OR2T27: variants seen among roughly 807,000 people sequenced by gnomAD.
OR2T27 encodes olfactory receptor 2T27.
For synonymous variants in OR2T27, 51 were observed against 152.9 expected, an observed-to-expected ratio of 0.33 and a Z score of 4.92; for missense variants, 152 against 397.2, an observed-to-expected ratio of 0.38 and a Z score of 5.25.
intron 1 of OR2T27, among the ~76,000 whole-genome samples, chr1:248,652,269 C>T (rs1466077405): frequency 4.0e-5 from 6 of 151,174 alleles, no homozygotes; most frequent in African/African-American, 1.2e-4. Context: ...GTAAATTTTA[C>T]GTTTCCAAAC....
intron 1 of OR2T27, among the ~76,000 whole-genome samples, chr1:248,653,368 G>A (rs4916156): frequency 0.84 from 109,869 of 131,194 alleles, 49,741 homozygotes; most frequent in East Asian, 1. Context: ...ACTGGATTAT[G>A]CCATGCCCCA....
In OR2T27 at chr1:248,649,891, T is replaced by C; in HGVS notation, c.*40A>G. Reference sequence around the variant, plus strand: ...ATTCAAGGGCAATGATAAAGTCTTGTATCCTTCATTTCAAGTCTCTAGCAG... The same window carrying C: ...ATTCAAGGGCAATGATAAAGTCTTGCATCCTTCATTTCAAGTCTCTAGCAG... On this transcript the variant is annotated 3_prime_UTR_variant, in exon 2 of 2. Transcript: ENST00000460972. 1 of 1,349,844 alleles carries C rather than the reference T, an allele frequency of 7.4e-7. No homozygotes were observed. The highest frequency in any genetic ancestry group is 1.0e-6 in the Non-Finnish European group (1 of 953,516). The allele number at this position is 1,349,844 out of a possible 1,614,324, so 83.6% of individuals were successfully genotyped here. A position where few individuals can be genotyped will look rare whatever the true frequency, so the allele number is the denominator to read the frequency against.
chr1:248,654,427 TGTC>T (rs1337626603), intron 1 of OR2T27, among the ~76,000 whole-genome samples: 1 of 10,250 alleles, frequency 9.8e-5, no homozygotes, highest in African/African-American at 1.1e-4. Context: ...TCATTTTTGT[TGTC>T]GTTCTGTCAG....
chr1:248,651,529 G>C (rs1367587844), intron 1 of OR2T27: 4 of 64,608 alleles, frequency 6.2e-5, no homozygotes, highest in African/African-American at 1.2e-4. Context: ...GGGAGAAAAC[G>C]TTGAGGGTCA....
At chr1:248,652,092 G>A (rs1240565173) in intron 1 of OR2T27, among the ~76,000 whole-genome samples, 3 of 152,216 alleles carry the variant, frequency 2.0e-5, no homozygotes, top group Admixed American at 6.5e-5. Context: ...TTATCCCTGA[G>A]AATATGACAG....
At chr1:248,652,275 C>T (rs918715365) in intron 1 of OR2T27, among the ~76,000 whole-genome samples, 2 of 150,968 alleles carry the variant, frequency 1.3e-5, no homozygotes, top group Admixed American at 6.6e-5. Context: ...TTTACGTTTC[C>T]AAACAACTTT....
intron 1 of OR2T27, chr1:248,651,632 A>T (rs1661019589): frequency 1.4e-5 from 1 of 70,670 alleles, no homozygotes; most frequent in Admixed American, 2.1e-4. Flanking sequence ...CTTATGAAAA[A>T]ATAAACTAGT....
chr1:248,650,322 G>A lies in OR2T27; in HGVS notation c.563C>T (p.Ser188Phe). 1.5e-6 allele frequency: 2 copies of A among 1,334,858 alleles called. No individual in the cohort carries two copies. Among genetic ancestry groups the A allele is most frequent in the Non-Finnish European group, 2.1e-6 (2 of 949,114 alleles). 82.7% of individuals were successfully genotyped at this position (1,334,858 alleles called of 1,614,324 possible). ...CTCGTAGGCTGATGTGTCCGTGCAG[G>A]AGAGCTTCAGAAGGGCAGGCACCTC... The part of the protein sequence containing the change: ...FCEVPALLKL[S>F]CTDTSAYETA... The change falls in exon 2 of 2, where the codon TCC becomes TTC. Residue 188 changes from serine to phenylalanine, a missense_variant. Ser to Phe is a radical substitution (Grantham distance 155). Transcript: ENST00000460972.
chr1:248,652,258 C>T (rs4916154), intron 1 of OR2T27, among the ~76,000 whole-genome samples: 2 of 151,386 alleles, frequency 1.3e-5, no homozygotes, highest in East Asian at 2.0e-4. Context: ...ATAAGTGATT[C>T]GTAAATTTTA....
At chr1:248,651,783 C>CAT (rs1661021717) in intron 1 of OR2T27, among the ~76,000 whole-genome samples, 1 of 65,258 alleles carries the variant, frequency 1.5e-5, no homozygotes, top group African/African-American at 2.9e-5. Context: ...CTCCCTGCAT[C>CAT]ATATAGATCT....
chr1:248,651,944 G>A (rs1017289144), intron 1 of OR2T27, among the ~76,000 whole-genome samples: 1 of 55,720 alleles, frequency 1.8e-5, no homozygotes, highest in Non-Finnish European at 7.2e-5. Flanking sequence ...TTTATATTAT[G>A]GTAACTTTTA....
intron 1 of OR2T27, among the ~76,000 whole-genome samples, chr1:248,653,397 A>G (rs1661060767): frequency 7.0e-6 from 1 of 142,306 alleles, no homozygotes; most frequent in African/African-American, 2.5e-5. Flanking sequence ...CTGTCTATGC[A>G]TAATTCCAAA....
intron 1 of OR2T27, among the ~76,000 whole-genome samples, chr1:248,652,566 A>C (rs564797023): frequency 1.6e-5 from 2 of 125,422 alleles, no homozygotes; most frequent in East Asian, 5.0e-4. Context: ...GTGCACTTTC[A>C]GAATGGTTTT....
rs138825902 is a variant in OR2T27, at chr1:248,650,422, C to T, written c.463G>A (p.Asp155Asn). 126,178 of 1,461,728 alleles carry T rather than the reference C, an allele frequency of 0.086. 8,781 individuals carry two copies. Among genetic ancestry groups the T allele is most frequent in the East Asian group, 0.23 (9,150 of 40,514 alleles). The allele number at this position is 1,461,728 out of a possible 1,614,324, so 90.5% of individuals were successfully genotyped here. ...VAAAWLGGSIDGFLLTPVTMQ... is the reference protein window; with the variant it reads ...VAAAWLGGSINGFLLTPVTMQ... The stretch of plus-strand genomic sequence containing the variant: ...GTGACGGGGGTGAGCAAGAAACCAT[C>T]GATAGACCCTCCCAGCCAGGCTGCC... The change falls in exon 2 of 2, where the codon GAT becomes AAT. Residue 155 changes from aspartate (D) to asparagine (N), a missense_variant. Transcript: ENST00000460972.
At chr1:248,651,156 G>A (rs1661013303) in intron 1 of OR2T27, among the ~76,000 whole-genome samples, 1 of 72,076 alleles carries the variant, frequency 1.4e-5, no homozygotes, top group African/African-American at 3.0e-5. Flanking sequence ...TCTGTCTTTC[G>A]AGTACCACCT....
At position 248,649,873 on chromosome 1, in the gene OR2T27, G is replaced by A. The variant is rs573776607; in HGVS notation, c.*58C>T. 124 of 1,156,898 alleles carry A rather than the reference G, an allele frequency of 1.1e-4. 9 individuals are homozygous for A. The African/African-American group carries it at 1.2e-3, about 11-fold the overall frequency. The allele number at this position is 1,156,898 out of a possible 1,614,324, so 71.7% of individuals were successfully genotyped here. A position where few individuals can be genotyped will look rare whatever the true frequency, so the allele number is the denominator to read the frequency against. On this transcript the variant is annotated 3_prime_UTR_variant, in exon 2 of 2. Coordinates refer to ENST00000460972, the MANE Select transcript of OR2T27 (RefSeq NM_001001824.2). ...CAGGCAGAGAATATTTAAATTCAAG[G>A]GCAATGATAAAGTCTTGTATCCTTC...
rs780161867 is a variant in OR2T27 at position 248,649,969 on chromosome 1, C to CCA, written c.914_915dup (p.Gly306TrpfsTer10). 1.9e-6 allele frequency: 3 copies of CCA among 1,579,596 alleles called. No homozygotes were observed. In the Admixed American group the frequency reaches 5.1e-5, roughly 27 times the overall value. On this transcript the variant is annotated frameshift_variant, in exon 2 of 2. Transcript: ENST00000460972. LOFTEE classifies it low-confidence loss of function (END_TRUNC). ...ACCTTTCCTGAGGACACACACCTCC[C>CCA]CACAACCTTCTGTAGGGCCCCTGTG...
At chr1:248,655,236 AGAT>A (rs1444589257) in intron 1 of OR2T27, among the ~76,000 whole-genome samples, 1 of 20,630 alleles carries the variant, frequency 4.8e-5, no homozygotes, top group Non-Finnish European at 9.0e-4. Context: ...TGTACAGAAA[AGAT>A]AAGAGTCCAT....
At chr1:248,652,852 C>T (rs1167243918) in intron 1 of OR2T27, among the ~76,000 whole-genome samples, 2 of 150,686 alleles carry the variant, frequency 1.3e-5, no homozygotes, top group African/African-American at 4.9e-5. Flanking sequence ...TATAATGTAT[C>T]TTTATTATTT....
Sources: gnomAD v4.1 joint callset for allele counts (sites outside exome capture counted in the v4.1 genomes callset) on GRCh38, gnomAD v4.1.1 for gene constraint, MANE v1.5 for transcripts, NCBI Gene and HGNC (gene_info 2026-07-23, HGNC 2026-07-21) for gene names.